The following MSRB3 variants were observed in gnomAD, a reference collection of about 807,000 sequenced individuals.
The protein encoded by MSRB3 is methionine-R-sulfoxide reductase B3.
In MSRB3, 13 loss-of-function variants were observed where a neutral mutation model predicts 21.0. The observed-to-expected ratio is 0.62, with a 90% CI of 0.40 to 0.98. The LOEUF (loss-of-function observed/expected upper bound fraction) is 0.98, where lower values mean the gene tolerates loss of function less well. Ranked by LOEUF, MSRB3 falls within the 50% of genes least tolerant of loss-of-function variation. The probability of loss-of-function intolerance (pLI) is 0.00; values close to 1 mark genes in which losing one functional copy is unlikely to be tolerated. For synonymous variants in MSRB3, 87 were observed against 88.6 expected, an observed-to-expected ratio of 0.98 and a Z score of 0.10; for missense variants, 199 against 230.3, an observed-to-expected ratio of 0.86 and a Z score of 0.88.
At chr12:65,330,450 C>G (rs1241160764) in intron 4 of MSRB3, among the ~76,000 whole-genome samples, 1 of 152,164 alleles carries the variant, frequency 6.6e-6, no homozygotes, top group African/African-American at 2.4e-5. Flanking sequence ...GCTTTCTTGT[C>G]TATTTTGGGA....
chr12:65,434,099 C>T (rs895428500), intron 5 of MSRB3, among the ~76,000 whole-genome samples: 1 of 151,842 alleles, frequency 6.6e-6, no homozygotes, highest in African/African-American at 2.4e-5. Context: ...TGTATGGGGT[C>T]CGTCCTTTCT....
In MSRB3 at chr12:65,340,274, A is replaced by G. The variant is rs191430020; in HGVS notation, c.263+11671A>G. Among the ~76,000 whole-genome samples, 176 of 152,304 alleles carry G rather than the reference A, an allele frequency of 1.2e-3. 1 individual carries two copies. Among genetic ancestry groups the G allele is most frequent in the African/African-American group, 4.2e-3 (174 of 41,578 alleles). On this transcript the variant is annotated intron_variant, in intron 4 of 6. Transcript: ENST00000308259. ...ACACACAAGAAAGTAGGACTGGCAG[A>G]CAGCAACAGCAAAAAACAGGTTAGT...
intron 5 of MSRB3, among the ~76,000 whole-genome samples, chr12:65,408,286 G>C (rs1880526957): frequency 6.6e-6 from 1 of 152,052 alleles, no homozygotes; most frequent in Non-Finnish European, 1.5e-5. Context: ...GTTGAGATGG[G>C]ATTTCACCAT....
rs747757508 is a variant in MSRB3, at chr12:65,453,848, C to T, written c.390+23C>T. On this transcript the variant is annotated intron_variant, in intron 6 of 6. Transcript: ENST00000308259. ...CAGGTGAGTTCATCCTTTCTGAAAACCCAATACATTGCTTTCAGGACTCCT... is the reference window on the plus strand; with the variant it reads ...CAGGTGAGTTCATCCTTTCTGAAAATCCAATACATTGCTTTCAGGACTCCT... The T allele has an allele frequency of 2.5e-6, 4 of 1,585,846 alleles. No homozygotes were observed. The East Asian group carries it at 6.7e-5, about 27-fold the overall frequency.
At position 65,289,554 on chromosome 12, in the gene MSRB3, A is replaced by G. The variant is rs906941010; in HGVS notation, c.-52+10689A>G. On this transcript the variant is annotated intron_variant, in intron 1 of 6. Transcript: ENST00000308259. ...GTATCCTCTGTGACCTGCATTTTTT[A>G]TCTTTTTAAATTGTATTTTAGGTGC... Among the ~76,000 whole-genome samples, 6 of 152,300 alleles carry G rather than the reference A, an allele frequency of 3.9e-5. No homozygotes were observed. In the South Asian group the frequency reaches 1.2e-3, roughly 32 times the overall value.
At chr12:65,442,727 C>G (rs10506523) in intron 5 of MSRB3, among the ~76,000 whole-genome samples, 4,899 of 152,118 alleles carry the variant, frequency 0.032, 156 homozygotes, top group African/African-American at 0.071. Flanking sequence ...ATCAAGGTTA[C>G]TAGGTCAACA....
intron 5 of MSRB3, among the ~76,000 whole-genome samples, chr12:65,396,484 A>C (rs527745758): frequency 6.6e-6 from 1 of 152,140 alleles, no homozygotes; most frequent in Non-Finnish European, 1.5e-5. Flanking sequence ...TGAGGTCAGG[A>C]GTTCAAGACC....
chr12:65,424,280 T>C (rs1391049529), intron 5 of MSRB3, among the ~76,000 whole-genome samples: 2 of 152,080 alleles, frequency 1.3e-5, no homozygotes, highest in African/African-American at 2.4e-5. Context: ...CTTGGTTTCA[T>C]TGAACTTTTC....
At chr12:65,372,847 G>A (rs573651018) in intron 5 of MSRB3, among the ~76,000 whole-genome samples, 6 of 152,296 alleles carry the variant, frequency 3.9e-5, no homozygotes, top group South Asian at 4.1e-4. Flanking sequence ...TACTGGCTTT[G>A]CTTTCTATCA....
intron 6 of MSRB3, among the ~76,000 whole-genome samples, chr12:65,461,521 T>C (rs922695130): frequency 6.6e-6 from 1 of 152,236 alleles, no homozygotes; most frequent in Non-Finnish European, 1.5e-5. Flanking sequence ...GAAATGAGAA[T>C]GCACTTTTAA....
At position 65,397,468 on chromosome 12, in the gene MSRB3, A is replaced by G. The variant is rs1879876015; in HGVS notation, c.292+28442A>G. 3.3e-5 allele frequency among the ~76,000 whole-genome samples: 5 copies of G among 151,720 alleles called. No homozygotes were observed. In the South Asian group the frequency reaches 1.0e-3, roughly 32 times the overall value. Reference sequence around the variant, plus strand: ...CTACATCTGTCATTGTATTTTGTTTATTGCCATTGGTTTTTTCTTTTGTTT... The same window carrying G: ...CTACATCTGTCATTGTATTTTGTTTGTTGCCATTGGTTTTTTCTTTTGTTT... On this transcript the variant is annotated intron_variant, in intron 5 of 6. Coordinates refer to ENST00000308259, the MANE Select transcript of MSRB3 (RefSeq NM_001031679.3).
intron 2 of MSRB3, among the ~76,000 whole-genome samples, chr12:65,318,528 T>C (rs548182567): frequency 6.6e-6 from 1 of 152,230 alleles, no homozygotes; most frequent in East Asian, 1.9e-4. Context: ...GGCTATGATG[T>C]TCTAGTGAAG....
At chr12:65,342,942 T>A (rs1184997761) in intron 4 of MSRB3, among the ~76,000 whole-genome samples, 1 of 152,100 alleles carries the variant, frequency 6.6e-6, no homozygotes, top group Non-Finnish European at 1.5e-5. Context: ...TAACAGTAGT[T>A]ATCTCTGGAT....
At chr12:65,407,401 G>C (rs1880474231) in intron 5 of MSRB3, among the ~76,000 whole-genome samples, 1 of 150,674 alleles carries the variant, frequency 6.6e-6, no homozygotes, top group Admixed American at 6.6e-5. Context: ...TATGGTTTTT[G>C]AGGAGAAGTC....
chr12:65,326,775 T>C (rs1875060824), intron 2 of MSRB3, 51 bp from the exon 3 acceptor site: 1 of 1,439,274 alleles, frequency 6.9e-7, no homozygotes, highest in Non-Finnish European at 9.7e-7. Context: ...AAGCAATTAT[T>C]TAGGATTCAA....
chr12:65,314,112 C>T (rs544877490), intron 2 of MSRB3, among the ~76,000 whole-genome samples: 1 of 152,204 alleles, frequency 6.6e-6, no homozygotes, highest in African/African-American at 2.4e-5. Context: ...GATTCTGACT[C>T]CCTTATGCTT....
chr12:65,442,476 G>A lies in MSRB3; in HGVS notation c.293-11252G>A, dbSNP rs571029268. On this transcript the variant is annotated intron_variant, in intron 5 of 6. Coordinates refer to ENST00000308259, the MANE Select transcript of MSRB3 (RefSeq NM_001031679.3). ...TCTGAATTGCATGTTGCTGGGAGTA[G>A]AATCTGTATTTCTTTGAATTTCCCC... Among the ~76,000 whole-genome samples, 7 of 152,136 alleles carry A rather than the reference G, an allele frequency of 4.6e-5. No homozygotes were observed. The South Asian group carries it at 1.5e-3, about 32-fold the overall frequency.
At chr12:65,332,334 C>T (rs922884268) in intron 4 of MSRB3, among the ~76,000 whole-genome samples, 4 of 151,308 alleles carry the variant, frequency 2.6e-5, no homozygotes, top group African/African-American at 4.9e-5. Context: ...GTGGAGTTTC[C>T]GTTTGTTAGA....
At position 65,281,270 on chromosome 12, in the gene MSRB3, G is replaced by A. The variant is rs115054570; in HGVS notation, c.-52+2405G>A. Among the ~76,000 whole-genome samples, 819 of 151,978 alleles carry A rather than the reference G, an allele frequency of 5.4e-3. 11 individuals are homozygous for A. Among genetic ancestry groups the A allele is most frequent in the African/African-American group, 0.019 (792 of 41,432 alleles). On this transcript the variant is annotated intron_variant, in intron 1 of 6. Transcript: ENST00000308259. ...TGTATAATTAATTTATCATAGTTAT[G>A]GATTTGGTTGATGAATTTGATTCCC...
Sources: gnomAD v4.1 joint callset for allele counts (sites outside exome capture counted in the v4.1 genomes callset) on GRCh38, gnomAD v4.1.1 for gene constraint, MANE v1.5 for transcripts, NCBI Gene and HGNC (gene_info 2026-07-23, HGNC 2026-07-21) for gene names.